Variants in PLCB1 observed in about 807,000 individuals in gnomAD.
The protein encoded by PLCB1 is 1-phosphatidylinositol 4,5-bisphosphate phosphodiesterase beta-1.
In PLCB1, 46 loss-of-function variants were observed where a neutral mutation model predicts 161.8. That is an observed-to-expected ratio of 0.28 (90% CI 0.22 to 0.36). PLCB1 has a LOEUF of 0.36. Ranked by LOEUF, PLCB1 falls within the 10% of genes least tolerant of loss-of-function variation. The pLI is 1.00. For synonymous variants in PLCB1, 517 were observed against 503.7 expected (o/e 1.03, Z -0.35); for missense variants, 1,016 against 1,472.5 (o/e 0.69, Z 5.07).
At chr20:8,812,851 T>C (rs1397043817) in intron 31 of PLCB1, among the ~76,000 whole-genome samples, 8 of 152,338 alleles carry the variant, frequency 5.3e-5, no homozygotes, top group African/African-American at 1.9e-4. Flanking sequence ...AAATTGTCTA[T>C]TTCCTTTAAC....
intron 3 of PLCB1, among the ~76,000 whole-genome samples, chr20:8,457,478 G>A (rs868651386): frequency 6.6e-6 from 1 of 152,038 alleles, no homozygotes; most frequent in African/African-American, 2.4e-5. Context: ...CTGCAGCAAC[G>A]ATTTCCTAAA....
intron 2 of PLCB1, among the ~76,000 whole-genome samples, chr20:8,248,260 C>A (rs988188537): frequency 1.3e-5 from 2 of 151,910 alleles, no homozygotes; most frequent in East Asian, 3.9e-4. Flanking sequence ...ATTCCTTCAT[C>A]CATCTGTCAC....
intron 2 of PLCB1, among the ~76,000 whole-genome samples, chr20:8,224,037 G>A (rs1177565328): frequency 4.6e-5 from 7 of 152,064 alleles, no homozygotes; most frequent in African/African-American, 1.7e-4. Context: ...GAGTTATTTT[G>A]GTTAAAAACA....
At chr20:8,227,068 A>C (rs1440016187) in intron 2 of PLCB1, among the ~76,000 whole-genome samples, 1 of 152,166 alleles carries the variant, frequency 6.6e-6, no homozygotes, top group Non-Finnish European at 1.5e-5. Context: ...TCAATATAAA[A>C]ATTTATTGAG....
intron 3 of PLCB1, among the ~76,000 whole-genome samples, chr20:8,548,520 CCTCT>C (rs768623414): frequency 4.1e-4 from 61 of 148,490 alleles, no homozygotes; most frequent in Non-Finnish European, 6.9e-4. Flanking sequence ...TCCCTCCCTC[CCTCT>C]CTCTCTTTCT....
intron 3 of PLCB1, among the ~76,000 whole-genome samples, chr20:8,532,891 G>T (rs947337343): frequency 2.6e-5 from 4 of 151,842 alleles, no homozygotes; most frequent in African/African-American, 4.8e-5. Context: ...ACTTTAAGTT[G>T]TAGGGTACAT....
intron 31 of PLCB1, among the ~76,000 whole-genome samples, chr20:8,880,705 T>C (rs531439944): frequency 1.3e-5 from 2 of 152,236 alleles, no homozygotes; most frequent in East Asian, 1.9e-4. Context: ...CTCAGCTTCT[T>C]AGCTTCCCCC....
intron 2 of PLCB1, among the ~76,000 whole-genome samples, chr20:8,337,813 A>G (rs994118301): frequency 6.6e-6 from 1 of 152,130 alleles, no homozygotes; most frequent in Non-Finnish European, 1.5e-5. Context: ...TCTTCTTGGT[A>G]AGTTAACTAT....
At chr20:8,820,702 C>A (rs1347488981) in intron 31 of PLCB1, among the ~76,000 whole-genome samples, 1 of 152,032 alleles carries the variant, frequency 6.6e-6, no homozygotes, top group Non-Finnish European at 1.5e-5. Context: ...GCAACACTCT[C>A]TGTACTAGAA....
At chr20:8,635,772 A>G (rs1988745103) in intron 4 of PLCB1, among the ~76,000 whole-genome samples, 1 of 152,222 alleles carries the variant, frequency 6.6e-6, no homozygotes, top group Non-Finnish European at 1.5e-5. Flanking sequence ...AAGGTGGGAA[A>G]TAGAAAAGAA....
rs553077641 is a variant in PLCB1 at position 8,682,264 on chromosome 20, G to C, written c.863-2668G>C. Reference sequence around the variant, plus strand: ...GCCTGTAACCTCAGGACTTTGGGAGGCTGTGGTGGGAGGATCGCTTGAGTA... The same window carrying C: ...GCCTGTAACCTCAGGACTTTGGGAGCCTGTGGTGGGAGGATCGCTTGAGTA... On this transcript the variant is annotated intron_variant, in intron 9 of 31. Coordinates refer to ENST00000338037, the MANE Select transcript of PLCB1 (RefSeq NM_015192.4). 9.9e-5 allele frequency among the ~76,000 whole-genome samples: 15 copies of C among 152,266 alleles called. No homozygotes were observed. The East Asian group carries it at 2.7e-3, about 27-fold the overall frequency.
At chr20:8,444,714 T>C (rs547751344) in intron 3 of PLCB1, among the ~76,000 whole-genome samples, 1 of 152,306 alleles carries the variant, frequency 6.6e-6, no homozygotes, top group South Asian at 2.1e-4. Context: ...GTACCTGTTG[T>C]TTCCTGACTT....
chr20:8,800,235 C>G (rs1324757397), intron 31 of PLCB1, among the ~76,000 whole-genome samples: 2 of 152,210 alleles, frequency 1.3e-5, no homozygotes, highest in Non-Finnish European at 2.9e-5. Flanking sequence ...ATTACAGTCT[C>G]TGTTTTCCAT....
intron 3 of PLCB1, among the ~76,000 whole-genome samples, chr20:8,455,614 G>T (rs1216453307): frequency 2.6e-5 from 4 of 151,540 alleles, no homozygotes; most frequent in Non-Finnish European, 5.9e-5. Context: ...CTAATTTTTT[G>T]TATTTTTAGT....
intron 31 of PLCB1, among the ~76,000 whole-genome samples, chr20:8,838,970 C>T (rs1468596981): frequency 6.6e-6 from 1 of 152,212 alleles, no homozygotes; most frequent in East Asian, 1.9e-4. Context: ...CAGCAATACA[C>T]CTACACCGTC....
At chr20:8,745,202 T>C (rs1981107916) in intron 23 of PLCB1, among the ~76,000 whole-genome samples, 1 of 152,208 alleles carries the variant, frequency 6.6e-6, no homozygotes. Flanking sequence ...CATGTAATGC[T>C]AGGAAAGAAA....
At chr20:8,667,437 G>T (rs1372432819) in intron 9 of PLCB1, among the ~76,000 whole-genome samples, 1 of 152,206 alleles carries the variant, frequency 6.6e-6, no homozygotes, top group Non-Finnish European at 1.5e-5. Flanking sequence ...CGTCATTGTG[G>T]ATCTATTGTT....
chr20:8,700,730 T>C (rs1990683482), intron 11 of PLCB1, among the ~76,000 whole-genome samples: 1 of 152,184 alleles, frequency 6.6e-6, no homozygotes, highest in South Asian at 2.1e-4. Flanking sequence ...CATAGCAGGA[T>C]AGACAGTTCT....
intron 3 of PLCB1, among the ~76,000 whole-genome samples, chr20:8,491,879 C>G (rs962007206): frequency 7.9e-5 from 12 of 152,114 alleles, no homozygotes; most frequent in African/African-American, 2.2e-4. Flanking sequence ...CCTTTGTTAC[C>G]TGACATTCTG....
Sources: allele counts gnomAD v4.1 joint callset (sites outside exome capture counted in the v4.1 genomes callset), GRCh38; gene constraint gnomAD v4.1.1; transcripts MANE v1.5; gene names NCBI Gene and HGNC (gene_info 2026-07-23, HGNC 2026-07-21).